Variants in SLC24A3 observed in about 807,000 individuals in gnomAD.
The protein encoded by SLC24A3 is solute carrier family 24 member 3.
Under a neutral mutation model 75.8 loss-of-function variants are expected in SLC24A3, and 28 were observed. The observed-to-expected ratio is 0.37, with a 90% CI of 0.27 to 0.51. SLC24A3 has a LOEUF of 0.51. Among genes scored for constraint, SLC24A3 ranks in the 20% least tolerant of loss-of-function variants. The pLI is 0.94. For synonymous variants in SLC24A3, 372 were observed against 334.1 expected, an observed-to-expected ratio of 1.11 and a Z score of -1.24; for missense variants, 663 against 847.8, an observed-to-expected ratio of 0.78 and a Z score of 2.71.
intron 1 of SLC24A3, among the ~76,000 whole-genome samples, chr20:19,231,658 C>T (rs554092227): frequency 2.0e-5 from 3 of 152,172 alleles, no homozygotes; most frequent in Non-Finnish European, 4.4e-5. Flanking sequence ...TTTAGCCCAG[C>T]AAGACTTCTG....
chr20:19,515,054 G>A (rs2029957600), intron 2 of SLC24A3, among the ~76,000 whole-genome samples: 2 of 152,228 alleles, frequency 1.3e-5, no homozygotes, highest in South Asian at 4.1e-4. Flanking sequence ...TTCAATGCAT[G>A]CATGCAGCAA....
chr20:19,579,687 G>A (rs369337980), intron 3 of SLC24A3, among the ~76,000 whole-genome samples: 6 of 152,190 alleles, frequency 3.9e-5, no homozygotes, highest in African/African-American at 9.6e-5. Flanking sequence ...GTGTGATGGC[G>A]TGAGCCAGTG....
intron 2 of SLC24A3, among the ~76,000 whole-genome samples, chr20:19,384,264 G>C (rs903435074): frequency 6.6e-6 from 1 of 152,012 alleles, no homozygotes; most frequent in African/African-American, 2.4e-5. Flanking sequence ...CATGCTATAC[G>C]TTAAATCTCC....
At chr20:19,577,519 A>T (rs1237716497) in intron 3 of SLC24A3, among the ~76,000 whole-genome samples, 1 of 152,178 alleles carries the variant, frequency 6.6e-6, no homozygotes, top group Non-Finnish European at 1.5e-5. Flanking sequence ...ATCTCCCATC[A>T]CCTACAAAAG....
At chr20:19,492,210 A>T (rs1988219516) in intron 2 of SLC24A3, among the ~76,000 whole-genome samples, 2 of 152,208 alleles carry the variant, frequency 1.3e-5, no homozygotes, top group African/African-American at 4.8e-5. Context: ...TATACTCTAA[A>T]GCAAGGCCAG....
intron 3 of SLC24A3, among the ~76,000 whole-genome samples, chr20:19,544,371 C>G (rs1034241823): frequency 6.6e-6 from 1 of 152,192 alleles, no homozygotes; most frequent in Non-Finnish European, 1.5e-5. Flanking sequence ...CCTTTTCATT[C>G]TCTGCCTTAG....
intron 3 of SLC24A3, among the ~76,000 whole-genome samples, chr20:19,553,003 G>C (rs528619724): frequency 1.3e-5 from 2 of 150,600 alleles, no homozygotes; most frequent in Non-Finnish European, 3.0e-5. Context: ...CCTTTCCCTC[G>C]TTCCCTCCAT....
chr20:19,658,253 C>A (rs147538961), intron 7 of SLC24A3, among the ~76,000 whole-genome samples: 1 of 151,276 alleles, frequency 6.6e-6, no homozygotes, highest in East Asian at 1.9e-4. Context: ...GCTGAGGGGC[C>A]GAGGGTTCAG....
chr20:19,467,684 C>T (rs1311249244), intron 2 of SLC24A3, among the ~76,000 whole-genome samples: 1 of 151,904 alleles, frequency 6.6e-6, no homozygotes, highest in African/African-American at 2.4e-5. Flanking sequence ...AAGTCGAGAC[C>T]AGCCTGGCCA....
At chr20:19,516,087 C>T (rs2029981487) in intron 3 of SLC24A3, among the ~76,000 whole-genome samples, 1 of 152,218 alleles carries the variant, frequency 6.6e-6, no homozygotes, top group Non-Finnish European at 1.5e-5. Flanking sequence ...CATTTGCTCA[C>T]TGAGTGGATT....
intron 2 of SLC24A3, among the ~76,000 whole-genome samples, chr20:19,331,501 C>G (rs1490965345): frequency 6.6e-6 from 1 of 152,094 alleles, no homozygotes; most frequent in Non-Finnish European, 1.5e-5. Flanking sequence ...GATAGATAAA[C>G]AGAATGCTAA....
chr20:19,257,461 G>T (rs1982848661), intron 1 of SLC24A3, among the ~76,000 whole-genome samples: 1 of 152,186 alleles, frequency 6.6e-6, no homozygotes, highest in African/African-American at 2.4e-5. Context: ...TTATGGTCTG[G>T]GGGGAGACCA....
At chr20:19,364,928 A>G (rs776066349) in intron 2 of SLC24A3, among the ~76,000 whole-genome samples, 1 of 152,170 alleles carries the variant, frequency 6.6e-6, no homozygotes, top group Non-Finnish European at 1.5e-5. Context: ...AAAGGAAGAA[A>G]GCCAGAAAAG....
intron 8 of SLC24A3, among the ~76,000 whole-genome samples, chr20:19,669,679 C>T (rs748783927): frequency 4.0e-5 from 6 of 151,748 alleles, no homozygotes; most frequent in Non-Finnish European, 5.9e-5. Context: ...CTTTTGAGTC[C>T]GAAGTTGTGA....
chr20:19,259,572 C>G (rs1021648317), intron 1 of SLC24A3, among the ~76,000 whole-genome samples: 1 of 152,188 alleles, frequency 6.6e-6, no homozygotes, highest in Admixed American at 6.5e-5. Context: ...GTCATGGCCA[C>G]CCCTGGAGGG....
intron 1 of SLC24A3, among the ~76,000 whole-genome samples, chr20:19,259,222 C>T (rs867023014): frequency 2.0e-5 from 3 of 152,172 alleles, no homozygotes; most frequent in Non-Finnish European, 2.9e-5. Context: ...GGAAATGAAA[C>T]GAGTGTGCAG....
intron 6 of SLC24A3, among the ~76,000 whole-genome samples, chr20:19,628,883 T>C (rs2122684377): frequency 6.6e-6 from 1 of 152,268 alleles, no homozygotes; most frequent in Non-Finnish European, 1.5e-5. Context: ...GTTCCCTGTC[T>C]GAAGACAGTC....
chr20:19,253,612 A>C (rs1006494390), intron 1 of SLC24A3, among the ~76,000 whole-genome samples: 2 of 152,198 alleles, frequency 1.3e-5, no homozygotes, highest in Non-Finnish European at 2.9e-5. Context: ...GGGGTTGACC[A>C]GTGAGGGGCT....
intron 1 of SLC24A3, among the ~76,000 whole-genome samples, chr20:19,224,936 A>T (rs1460442778): frequency 6.6e-6 from 1 of 152,194 alleles, no homozygotes; most frequent in Non-Finnish European, 1.5e-5. Flanking sequence ...ATTTTTTGGC[A>T]TTTAGTGTAG....
Sources: allele counts gnomAD v4.1 joint callset (sites outside exome capture counted in the v4.1 genomes callset), GRCh38; gene constraint gnomAD v4.1.1; transcripts MANE v1.5; gene names NCBI Gene and HGNC (gene_info 2026-07-23, HGNC 2026-07-21).